Variants in MYF6 observed in about 807,000 individuals in gnomAD.
MYF6 encodes the protein class C basic helix-loop-helix protein 4.
A neutral mutation model predicts 21.7 loss-of-function variants in MYF6; 20 were observed. The ratio of observed to expected loss-of-function variants is 0.92; its 90% CI spans 0.65 to 1.34. MYF6 has a LOEUF of 1.34. Ranked by LOEUF, MYF6 falls within the 40% of genes most tolerant of loss-of-function variation. MYF6 has a pLI of 0.00. For synonymous variants in MYF6, 124 were observed against 124.7 expected, an observed-to-expected ratio of 0.99 and a Z score of 0.04; for missense variants, 320 against 304.1, an observed-to-expected ratio of 1.05 and a Z score of -0.39.
chr12:80,708,463 A>ACC, intron 1 of MYF6, 61 bp from the exon 2 acceptor site: 2 of 631,386 alleles, frequency 3.2e-6, no homozygotes, highest in Non-Finnish European at 5.6e-6. Flanking sequence ...CCCCCACCCC[A>ACC]CCCCAACCCC....
In MYF6 at chr12:80,709,016, C is replaced by G; in HGVS notation, c.*56C>G. ...AGCAGGAAGATCCCACCGACCCTTC[C>G]TGGCCTAATCCTTTAGATTAGGTCA... On this transcript the variant is annotated 3_prime_UTR_variant, in exon 3 of 3. Coordinates refer to ENST00000228641, the MANE Select transcript of MYF6 (RefSeq NM_002469.3). 7.4e-7 allele frequency: 1 copy of G among 1,358,172 alleles called. No individual in the cohort carries two copies. Among genetic ancestry groups the G allele is most frequent in the Non-Finnish European group, 1.1e-6 (1 of 948,092 alleles). The allele number at this position is 1,358,172 out of a possible 1,614,324, so 84.1% of individuals were successfully genotyped here.
intron 1 of MYF6, 82 bp downstream of exon 1, chr12:80,708,320 G>A: frequency 6.5e-7 from 1 of 1,544,090 alleles, no homozygotes; most frequent in Non-Finnish European, 8.7e-7. Context: ...CAGCTGCTTG[G>A]TCTTTTTTCC....
chr12:80,708,818 T>C, intron 2 of MYF6, 24 bp from the exon 3 acceptor site: 1 of 1,594,104 alleles, frequency 6.3e-7, no homozygotes, highest in Non-Finnish European at 8.6e-7. Flanking sequence ...GGGTGCTATG[T>C]TTGTGTGTTG....
chr12:80,708,461 C>A, intron 1 of MYF6, 63 bp from the exon 2 acceptor site: 1 of 1,285,622 alleles, frequency 7.8e-7, no homozygotes, highest in Non-Finnish European at 1.1e-6. Context: ...GCCCCCCACC[C>A]CACCCCAACC....
At position 80,707,871 on chromosome 12, in the gene MYF6, A is replaced by AAGCGGGGAGCGACAGC. The variant is rs775676035; in HGVS notation, c.158_173dup (p.Glu60ArgfsTer39). The AAGCGGGGAGCGACAGC allele has an allele frequency of 1.2e-6, 2 of 1,614,170 alleles. No homozygotes were observed. The highest frequency in any genetic ancestry group is 4.5e-5 in the East Asian group (2 of 44,864). On this transcript the variant is annotated frameshift_variant, in exon 1 of 3. Coordinates refer to ENST00000228641, the MANE Select transcript of MYF6 (RefSeq NM_002469.3). LOFTEE classifies it high-confidence loss of function. ...CCCTGCCAGGACCAAATGCCCCCGG[A>AAGCGGGGAGCGACAGC]AGCGGGGAGCGACAGCAGCGGAGAG... is the stretch of plus-strand genomic sequence containing the variant.
In MYF6 at chr12:80,708,627, GGCTCTGGGCC is replaced by G; in HGVS notation, c.610+16_610+25del. On this transcript the variant is annotated intron_variant, in intron 2 of 2. Coordinates refer to ENST00000228641, the MANE Select transcript of MYF6 (RefSeq NM_002469.3). ...ACGGCTAAGGAAGGTAAAGTAAAAG[GGCTCTGGGCC>G]GCACCAGAGAAAATCCGGGAGGTGG... is the stretch of plus-strand genomic sequence containing the variant. 1 of 1,612,290 alleles carries G rather than the reference GGCTCTGGGCC, an allele frequency of 6.2e-7. No homozygotes were observed. Among genetic ancestry groups the G allele is most frequent in the South Asian group, 1.1e-5 (1 of 91,050 alleles).
Position 80,708,964 on chromosome 12 carries a change from A to G in MYF6, c.*4A>G. The G allele has an allele frequency of 6.2e-7, 1 of 1,606,352 alleles. No individual in the cohort carries two copies. The highest frequency in any genetic ancestry group is 8.5e-7 in the Non-Finnish European group (1 of 1,172,922). Reference sequence around the variant, plus strand: ...GGAGGAAGTGGTGGAGAAGTAACTGAGCCTGCGCTTGAGACCTTCTCCACG... The same window carrying G: ...GGAGGAAGTGGTGGAGAAGTAACTGGGCCTGCGCTTGAGACCTTCTCCACG... On this transcript the variant is annotated 3_prime_UTR_variant, in exon 3 of 3. Coordinates refer to ENST00000228641, the MANE Select transcript of MYF6 (RefSeq NM_002469.3).
In MYF6 at chr12:80,707,837, A is replaced by G. The variant is rs749871284; in HGVS notation, c.118A>G (p.Thr40Ala). 6.2e-7 allele frequency: 1 copy of G among 1,614,140 alleles called. No individual in the cohort carries two copies. Among genetic ancestry groups the G allele is most frequent in the Non-Finnish European group, 8.5e-7 (1 of 1,180,014 alleles). The change falls in exon 1 of 3, where the codon ACC (threonine) becomes GCC (alanine). Residue 40 changes from threonine (T) to alanine (A), a missense_variant. Physicochemically the swap from Thr to Ala is moderately conservative, Grantham distance 58. Transcript: ENST00000228641. ...GSPLYPGSDG[T>A]LSPCQDQMPP... ...TCCTTTGTATCCAGGGAGTGATGGT[A>G]CCTTGTCCCCCTGCCAGGACCAAAT...
chr12:80,708,895 A>G lies in MYF6; in HGVS notation c.664A>G (p.Ile222Val). The change falls in exon 3 of 3, where the codon ATC becomes GTC. Residue 222 changes from isoleucine to valine, a missense_variant. Ile to Val is a conservative substitution (Grantham distance 29). Coordinates refer to ENST00000228641, the MANE Select transcript of MYF6 (RefSeq NM_002469.3). ...ASSSLRCLSS[I>V]VDSISSEERK... is the part of the protein sequence containing the mutation. ...GAGTAGCCTTCGATGCCTTTCTTCC[A>G]TCGTGGACAGTATTTCCTCGGAGGA... The G allele has an allele frequency of 6.2e-7, 1 of 1,614,228 alleles. No individual in the cohort carries two copies. Among genetic ancestry groups the G allele is most frequent in the Non-Finnish European group, 8.5e-7 (1 of 1,180,038 alleles).
At position 80,709,302 on chromosome 12, in the gene MYF6, G is replaced by A. The variant is rs991169661; in HGVS notation, c.*342G>A. ...CCATGTTCAAAAGAAGTTCATTCCTGTCTAAAGTGGGAAAGTTGCATTTAA... is the reference window on the plus strand; with the variant it reads ...CCATGTTCAAAAGAAGTTCATTCCTATCTAAAGTGGGAAAGTTGCATTTAA... On this transcript the variant is annotated 3_prime_UTR_variant, in exon 3 of 3. Transcript: ENST00000228641. 4.3e-6 allele frequency: 1 copy of A among 232,258 alleles called. No individual in the cohort carries two copies. The highest frequency in any genetic ancestry group is 8.5e-6 in the Non-Finnish European group (1 of 117,558). 14.4% of individuals were successfully genotyped at this position (232,258 alleles called of 1,614,324 possible). A position where few individuals can be genotyped will look rare whatever the true frequency, so the allele number is the denominator to read the frequency against.
chr12:80,708,306 C>T (rs954687683), intron 1 of MYF6, 68 bp downstream of exon 1: 6 of 1,563,116 alleles, frequency 3.8e-6, no homozygotes, highest in Non-Finnish European at 5.2e-6. Flanking sequence ...GGGGCCTTAA[C>T]CTCCAGCTGC....
intron 1 of MYF6, 65 bp from the exon 2 acceptor site, chr12:80,708,459 C>T (rs1042237241): frequency 3.2e-6 from 4 of 1,247,742 alleles, no homozygotes; most frequent in East Asian, 2.3e-5. Context: ...CCGCCCCCCA[C>T]CCCACCCCAA....
At chr12:80,708,753 C>T in intron 2 of MYF6, 89 bp from the exon 3 acceptor site, 1 of 1,533,176 alleles carries the variant, frequency 6.5e-7, no homozygotes, top group South Asian at 1.1e-5. Flanking sequence ...CAGGCCTTTC[C>T]TCGCTGCCAA....
rs1157491991 is a variant in MYF6 at position 80,709,225 on chromosome 12, T to C, written c.*265T>C. ...CTTAGGTCTAGCCTCATTTTGTTTTTGTTTGGTTGGTTTTATACTATATTA... is the reference window on the plus strand; with the variant it reads ...CTTAGGTCTAGCCTCATTTTGTTTTCGTTTGGTTGGTTTTATACTATATTA... On this transcript the variant is annotated 3_prime_UTR_variant, in exon 3 of 3. Coordinates refer to ENST00000228641, the MANE Select transcript of MYF6 (RefSeq NM_002469.3). 3 of 458,832 alleles carry C rather than the reference T, an allele frequency of 6.5e-6. No homozygotes were observed. The East Asian group carries it at 1.3e-4, about 20-fold the overall frequency. 28.4% of individuals were successfully genotyped at this position (458,832 alleles called of 1,614,324 possible).
rs943178785 is a variant in MYF6 at position 80,708,019 on chromosome 12, G to A, written c.300G>A (p.Leu100=). The change falls in exon 1 of 3, where the codon CTG becomes CTA. Residue 100 remains leucine (L), a synonymous_variant. Transcript: ENST00000228641. The part of the protein sequence containing the change: ...APTDRRKAAT[L]RERRRLKKIN... Reference sequence around the variant, plus strand: ...CTGACCGGCGAAAAGCCGCCACCCTGCGCGAAAGGAGGAGGCTAAAGAAAA... The same window carrying A: ...CTGACCGGCGAAAAGCCGCCACCCTACGCGAAAGGAGGAGGCTAAAGAAAA... 6.2e-7 allele frequency: 1 copy of A among 1,614,146 alleles called. No homozygotes were observed. The highest frequency in any genetic ancestry group is 1.1e-5 in the South Asian group (1 of 91,086).
At position 80,707,863 on chromosome 12, in the gene MYF6, GC is replaced by G. The variant is rs1565862129; in HGVS notation, c.149del (p.Pro50ArgfsTer29). On this transcript the variant is annotated frameshift_variant, in exon 1 of 3. Transcript: ENST00000228641. LOFTEE classifies it high-confidence loss of function. ...GTLSPCQDQMPPEAGSDSSGE... is the reference protein window; with the variant it reads ...GTLSPCQDQMXPEAGSDSSGE... ...CCTTGTCCCCCTGCCAGGACCAAAT[GC>G]CCCCGGAAGCGGGGAGCGACAGCAG... The G allele has an allele frequency of 6.2e-7, 1 of 1,614,194 alleles. No homozygotes were observed. Among genetic ancestry groups the G allele is most frequent in the Non-Finnish European group, 8.5e-7 (1 of 1,180,034 alleles).
Position 80,707,800 on chromosome 12 carries a change from G to C in MYF6, c.81G>C (p.Val27=). ...ATGTTACTCTGCAGCCATTAGAAGT[G>C]GCAGAAGGCTCTCCTTTGTATCCAG... ...GENVTLQPLE[V]AEGSPLYPGS... Residue 27 remains valine, a synonymous_variant, in exon 1 of 3, where the codon GTG becomes GTC. Coordinates refer to ENST00000228641, the MANE Select transcript of MYF6 (RefSeq NM_002469.3). 1 of 1,614,122 alleles carries C rather than the reference G, an allele frequency of 6.2e-7. No homozygotes were observed. Among genetic ancestry groups the C allele is most frequent in the Non-Finnish European group, 8.5e-7 (1 of 1,180,018 alleles).
At chr12:80,708,747 C>T in intron 2 of MYF6, 95 bp from the exon 3 acceptor site, 3 of 1,516,376 alleles carry the variant, frequency 2.0e-6, no homozygotes, top group Non-Finnish European at 2.7e-6. Context: ...CGGGACCAGG[C>T]CTTTCCTCGC....
Position 80,708,584 on chromosome 12 carries a change from T to C in MYF6, c.580T>C (p.Ser194Pro), listed in dbSNP as rs375170162. 8.3e-5 allele frequency: 134 copies of C among 1,614,022 alleles called. No homozygotes were observed. Among genetic ancestry groups the C allele is most frequent in the Non-Finnish European group, 1.1e-4 (131 of 1,180,034 alleles). ...CCAGTGGCCAAGTGTTTCCGATCAT[T>C]CCAGGGGGCTCGTGATAACGGCTAA... ...SSQWPSVSDH[S>P]RGLVITAKEG... Residue 194 changes from serine to proline, a missense_variant, in exon 2 of 3, where the codon TCC becomes CCC. Ser to Pro is a moderately conservative substitution (Grantham distance 74). Coordinates refer to ENST00000228641, the MANE Select transcript of MYF6 (RefSeq NM_002469.3).
Sources: gnomAD v4.1 joint callset for allele counts on GRCh38, gnomAD v4.1.1 for gene constraint, MANE v1.5 for transcripts, NCBI Gene and HGNC (gene_info 2026-07-23, HGNC 2026-07-21) for gene names.